Variants in JAK2 observed in about 807,000 individuals in gnomAD.
JAK2 encodes the protein tyrosine-protein kinase JAK2.
A neutral mutation model predicts 139.3 loss-of-function variants in JAK2; 86 were observed. The ratio of observed to expected loss-of-function variants is 0.62; its 90% confidence interval spans 0.52 to 0.74. The LOEUF is 0.74. Ranked by LOEUF, JAK2 falls within the 30% of genes least tolerant of loss-of-function variation. The pLI is 0.00. For synonymous variants in JAK2, 490 were observed against 437.7 expected (o/e 1.12, Z -1.49); for missense variants, 1,421 against 1,360.3 (o/e 1.04, Z -0.70).
At chr9:5,035,930 G>A (rs537106694) in intron 4 of JAK2, among the ~76,000 whole-genome samples, 18 of 152,312 alleles carry the variant, frequency 1.2e-4, no homozygotes, top group South Asian at 6.2e-4. Context: ...AGGAAAAGAG[G>A]AAGTCAAATT....
chr9:5,103,953 C>G (rs968381649), intron 22 of JAK2, among the ~76,000 whole-genome samples: 9 of 151,994 alleles, frequency 5.9e-5, no homozygotes, highest in Admixed American at 1.3e-4. Context: ...TAAATGCCCA[C>G]AAGAGAAAGC....
intron 2 of JAK2, among the ~76,000 whole-genome samples, chr9:5,008,178 C>A (rs764572640): frequency 6.6e-6 from 1 of 152,130 alleles, no homozygotes; most frequent in Non-Finnish European, 1.5e-5. Context: ...ATAGTCTATA[C>A]ATAAAGTCAA....
intron 14 of JAK2, among the ~76,000 whole-genome samples, chr9:5,076,955 T>G (rs974371952): frequency 1.3e-5 from 2 of 152,002 alleles, no homozygotes; most frequent in Admixed American, 6.6e-5. Context: ...TAAAAAAGTT[T>G]TAAAGATAAA....
At chr9:5,020,978 T>C (rs1371608453) in intron 2 of JAK2, among the ~76,000 whole-genome samples, 1 of 152,038 alleles carries the variant, frequency 6.6e-6, no homozygotes, top group Admixed American at 6.5e-5. Context: ...TCTAAAGCAA[T>C]GTCATTGTGC....
At chr9:5,120,797 G>T (rs1312120314) in intron 22 of JAK2, among the ~76,000 whole-genome samples, 1 of 152,174 alleles carries the variant, frequency 6.6e-6, no homozygotes, top group Non-Finnish European at 1.5e-5. Context: ...ACACTGGAGT[G>T]AAAGATGCGT....
At chr9:5,118,319 AAT>A (rs1463428025) in intron 22 of JAK2, among the ~76,000 whole-genome samples, 3 of 152,206 alleles carry the variant, frequency 2.0e-5, no homozygotes, top group Admixed American at 1.3e-4. Context: ...AATTTTGCAT[AAT>A]ATGTTACACT....
chr9:5,039,246 A>G (rs947140369), intron 4 of JAK2, among the ~76,000 whole-genome samples: 1 of 152,146 alleles, frequency 6.6e-6, no homozygotes, highest in Non-Finnish European at 1.5e-5. Flanking sequence ...CATGGGTTTC[A>G]CATCCATGGA....
chr9:5,062,500 TAAAAAAAAAAAAAAAAAAAAA>T (rs58424625), intron 8 of JAK2, among the ~76,000 whole-genome samples: 1 of 58,248 alleles, frequency 1.7e-5, no homozygotes, highest in South Asian at 6.3e-4. Flanking sequence ...CTTCCATTTG[TAAAAAAAAAAAAAAAAAAAAA>T]AAAAAAAAAA....
At chr9:5,004,257 T>A (rs528167430) in intron 2 of JAK2, among the ~76,000 whole-genome samples, 1 of 152,308 alleles carries the variant, frequency 6.6e-6, no homozygotes, top group African/African-American at 2.4e-5. Context: ...AGAAATTTCG[T>A]ATCCTTTGAC....
At chr9:5,024,300 T>C (rs1822637041) in intron 3 of JAK2, among the ~76,000 whole-genome samples, 1 of 152,178 alleles carries the variant, frequency 6.6e-6, no homozygotes, top group Non-Finnish European at 1.5e-5. Context: ...TTTTAGCATG[T>C]AAGATTTTGC....
chr9:5,107,789 C>T (rs1822090710), intron 22 of JAK2: 1 of 152,050 alleles, frequency 6.6e-6, no homozygotes, highest in Non-Finnish European at 1.5e-5. Context: ...TTTAAATATA[C>T]ATTTTACTCT....
chr9:5,024,383 C>CA (rs1036192809), intron 3 of JAK2, among the ~76,000 whole-genome samples: 4 of 151,796 alleles, frequency 2.6e-5, no homozygotes, highest in African/African-American at 9.7e-5. Flanking sequence ...TAGAAAAGAA[C>CA]AAAAAACTCT....
Position 5,069,085 on chromosome 9 carries a change from C to G in JAK2, c.1390C>G (p.Leu464Val). The change falls in exon 11 of 25, where the codon CTC (leucine) becomes GTC (valine). Residue 464 changes from leucine to valine, a missense_variant. Physicochemically the swap from Leu to Val is conservative, Grantham distance 32. Transcript: ENST00000381652. ...AAAAAATGAGAATGAAGAGTACAAC[C>G]TCAGTGGGACAAAGAAGAACTTCAG... ...ITKNENEEYN[L>V]SGTKKNFSSL... The G allele has an allele frequency of 6.2e-7, 1 of 1,610,496 alleles. No individual in the cohort carries two copies. The highest frequency in any genetic ancestry group is 8.5e-7 in the Non-Finnish European group (1 of 1,177,458).
In JAK2 at chr9:5,064,804, G is replaced by A. The variant is rs1332877161; in HGVS notation, c.1057-79G>A. 1.4e-5 allele frequency: 15 copies of A among 1,073,906 alleles called. No homozygotes were observed. In the Admixed American group the frequency reaches 3.9e-4, roughly 28 times the overall value. The allele number at this position is 1,073,906 out of a possible 1,614,324, so 66.5% of individuals were successfully genotyped here. ...TTTAGAAGAAAATTGTATTTAACAT[G>A]GAATGAAGAAAATTTTCAATATTTA... On this transcript the variant is annotated intron_variant, in intron 8 of 24. Coordinates refer to ENST00000381652, the MANE Select transcript of JAK2 (RefSeq NM_004972.4).
intron 22 of JAK2, among the ~76,000 whole-genome samples, chr9:5,101,343 T>C (rs919104049): frequency 2.0e-5 from 3 of 152,214 alleles, no homozygotes; most frequent in Admixed American, 2.0e-4. Context: ...GCGTCCGCCA[T>C]TGCTGAGGCT....
intron 19 of JAK2, chr9:5,085,276 G>T (rs1819997087): frequency 2.9e-5 from 20 of 697,942 alleles, no homozygotes; most frequent in South Asian, 2.7e-4. Flanking sequence ...AGCTGATGTT[G>T]GTTTGCCTAT....
At chr9:4,999,869 T>C (rs772239907) in intron 2 of JAK2, among the ~76,000 whole-genome samples, 1 of 152,256 alleles carries the variant, frequency 6.6e-6, no homozygotes, top group Non-Finnish European at 1.5e-5. Context: ...TTATTAGATA[T>C]GCATGCTACT....
At chr9:5,024,106 A>G (rs1289496333) in intron 3 of JAK2, among the ~76,000 whole-genome samples, 1 of 152,088 alleles carries the variant, frequency 6.6e-6, no homozygotes, top group Non-Finnish European at 1.5e-5. Context: ...AATACAAAAA[A>G]TTAGCCAGGT....
chr9:5,023,296 T>G (rs1180088042), intron 3 of JAK2, among the ~76,000 whole-genome samples: 1 of 152,236 alleles, frequency 6.6e-6, no homozygotes, highest in Non-Finnish European at 1.5e-5. Flanking sequence ...CTCGACATAA[T>G]GACCTTCAGT....
Sources: allele counts gnomAD v4.1 joint callset (sites outside exome capture counted in the v4.1 genomes callset), GRCh38; gene constraint gnomAD v4.1.1; transcripts MANE v1.5; gene names NCBI Gene and HGNC (gene_info 2026-07-23, HGNC 2026-07-21).